Variants in APOOL observed in about 807,000 individuals in gnomAD.
APOOL encodes MICOS complex subunit MIC27.
In APOOL, 12 loss-of-function variants were observed where a neutral mutation model predicts 23.1. The observed-to-expected ratio is 0.52, with a 90% CI of 0.33 to 0.84. The LOEUF is 0.84. APOOL is among the 40% of genes least tolerant of loss of function. The pLI is 0.02. For missense variants in APOOL, 212 were observed against 199.6 expected, an observed-to-expected ratio of 1.06 and a Z score of -0.37; for synonymous variants, 77 against 69.9, an observed-to-expected ratio of 1.10 and a Z score of -0.51.
chrX:85,026,342 G>A (rs775057813), intron 1 of APOOL, among the ~76,000 whole-genome samples: 21 of 112,989 alleles, frequency 1.9e-4, no homozygotes, highest in Non-Finnish European at 3.7e-4. Context: ...CCCTGGGCCT[G>A]TGATGGGAGG....
At chrX:85,037,313 C>T (rs12013113) in intron 1 of APOOL, among the ~76,000 whole-genome samples, 3,099 of 111,254 alleles carry the variant, frequency 0.028, 123 homozygotes, top group African/African-American at 0.096. Flanking sequence ...GTCATCAGGG[C>T]GGTTTCCCCC....
At chrX:85,039,687 TAA>T (rs1445372318) in intron 1 of APOOL, among the ~76,000 whole-genome samples, 1 of 111,837 alleles carries the variant, frequency 8.9e-6, no homozygotes, top group Non-Finnish European at 1.9e-5. Flanking sequence ...ATCATTGGTT[TAA>T]AGTCTTTTTT....
rs1050425811 is a variant in APOOL, at chrX:85,090,754, A to G, written c.*3076A>G. 9.0e-6 allele frequency: 1 copy of G among 111,482 alleles called. No individual in the cohort carries two copies. Among genetic ancestry groups the G allele is most frequent in the Non-Finnish European group, 1.9e-5 (1 of 53,147 alleles). The allele number at this position is 111,482 out of a possible 1,213,427, so 9.2% of individuals were successfully genotyped here. On this transcript the variant is annotated 3_prime_UTR_variant, in exon 9 of 9. Transcript: ENST00000373173. Reference sequence around the variant, plus strand: ...CTGCTCTACATTCTAACTTCTACCCATCCTACAAGTCCAATTCCAGTGTCA... The same window carrying G: ...CTGCTCTACATTCTAACTTCTACCCGTCCTACAAGTCCAATTCCAGTGTCA...
intron 1 of APOOL, among the ~76,000 whole-genome samples, chrX:85,038,866 T>A (rs952206546): frequency 9.1e-6 from 1 of 110,378 alleles, no homozygotes; most frequent in East Asian, 2.8e-4. Context: ...AACTTTTTTT[T>A]ATCTTTTGTG....
chrX:85,047,716 C>T (rs949933336), intron 2 of APOOL, among the ~76,000 whole-genome samples: 2 of 111,354 alleles, frequency 1.8e-5, no homozygotes, highest in East Asian at 5.7e-4. Context: ...CTTATCATGC[C>T]AGCCTGTTGA....
intron 1 of APOOL, among the ~76,000 whole-genome samples, chrX:85,045,326 CAG>C (rs1159135288): frequency 4.5e-5 from 5 of 111,706 alleles, no homozygotes; most frequent in African/African-American, 1.6e-4. Context: ...CAATCTAAAT[CAG>C]AGTCCTGCCC....
chrX:85,082,073 T>A (rs1487969182), intron 8 of APOOL, among the ~76,000 whole-genome samples: 2 of 112,142 alleles, frequency 1.8e-5, no homozygotes, highest in Admixed American at 9.5e-5. Context: ...ATTACCGACC[T>A]TCTGAAGCCT....
chrX:85,011,161 G>A (rs1366719783), intron 1 of APOOL, among the ~76,000 whole-genome samples: 1 of 111,262 alleles, frequency 9.0e-6, no homozygotes, highest in Non-Finnish European at 1.9e-5. Context: ...GTCTATTCAT[G>A]ACCTTCACCT....
intron 1 of APOOL, among the ~76,000 whole-genome samples, chrX:85,013,455 A>T (rs746994431): frequency 1.7e-4 from 19 of 111,691 alleles, no homozygotes; most frequent in Admixed American, 1.3e-3. Flanking sequence ...TGATGTAGGC[A>T]TTTAATACCA....
chrX:85,036,920 T>C (rs1227208637), intron 1 of APOOL, among the ~76,000 whole-genome samples: 1 of 110,601 alleles, frequency 9.0e-6, no homozygotes, highest in Non-Finnish European at 1.9e-5. Flanking sequence ...ATGTATTAGC[T>C]CTCCTCAAGC....
At chrX:85,035,176 C>T (rs1313458522) in intron 1 of APOOL, among the ~76,000 whole-genome samples, 1 of 110,985 alleles carries the variant, frequency 9.0e-6, no homozygotes, top group Admixed American at 9.6e-5. Context: ...TGGTATCTCA[C>T]TGTGGTTTTG....
chrX:85,031,784 T>G (rs1383448695), intron 1 of APOOL, among the ~76,000 whole-genome samples: 1 of 111,980 alleles, frequency 8.9e-6, no homozygotes, highest in Non-Finnish European at 1.9e-5. Flanking sequence ...GTAAAGGTTG[T>G]TTGTAGAGCT....
chrX:85,092,551 G>A lies in APOOL; in HGVS notation c.*4873G>A, dbSNP rs1924555620. 4 of 1,204,198 alleles carry A rather than the reference G, an allele frequency of 3.3e-6. No individual in the cohort carries two copies. Among genetic ancestry groups the A allele is most frequent in the Non-Finnish European group, 4.5e-6 (4 of 891,307 alleles). On this transcript the variant is annotated 3_prime_UTR_variant, in exon 9 of 9. Transcript: ENST00000373173. ...AAAGTGCATGCAGTTACATTGAGTT[G>A]TGATGGCTATCTGTTTAAAAACAAA...
chrX:85,085,550 A>G (rs143613610), intron 8 of APOOL, among the ~76,000 whole-genome samples: 79 of 112,354 alleles, frequency 7.0e-4, no homozygotes, highest in Non-Finnish European at 7.5e-4. Flanking sequence ...AAAGATAGGT[A>G]TAAGATAAAT....
chrX:85,073,161 G>A (rs1239323863), intron 6 of APOOL, among the ~76,000 whole-genome samples: 1 of 110,891 alleles, frequency 9.0e-6, no homozygotes, highest in Admixed American at 9.7e-5. Context: ...TATATACTTA[G>A]TAAAAACAAT....
rs1924362702 is a variant in APOOL, at chrX:85,087,649, G to T, written c.778G>T (p.Asp260Tyr). 1.7e-6 allele frequency: 2 copies of T among 1,196,559 alleles called. No homozygotes were observed. Among genetic ancestry groups the T allele is most frequent in the South Asian group, 3.7e-5 (2 of 54,319 alleles). Residue 260 changes from aspartate to tyrosine, a missense_variant, in exon 9 of 9, where the codon GAT becomes TAT. Transcript: ENST00000373173. ...LMDHGQSHPEDIDMYSTRS is the reference protein window; with the variant it reads ...LMDHGQSHPEYIDMYSTRS ...GGATCACGGGCAGTCCCACCCAGAA[G>T]ATATAGATATGTACAGCACTAGAAG...
At chrX:85,071,252 T>C (rs764261068) in intron 6 of APOOL, among the ~76,000 whole-genome samples, 1 of 110,893 alleles carries the variant, frequency 9.0e-6, no homozygotes, top group Non-Finnish European at 1.9e-5. Context: ...GAGTGTGACA[T>C]TCATTCATCT....
intron 4 of APOOL, among the ~76,000 whole-genome samples, chrX:85,054,967 A>G: frequency 8.9e-6 from 1 of 111,928 alleles, no homozygotes; most frequent in Non-Finnish European, 1.9e-5. Context: ...AAGCAATTAT[A>G]CTTGACTCTT....
chrX:85,014,947 G>A (rs1157484784), intron 1 of APOOL, among the ~76,000 whole-genome samples: 2 of 109,693 alleles, frequency 1.8e-5, no homozygotes. Flanking sequence ...TCTTCCTCAG[G>A]AACACCAATT....
Sources: allele counts gnomAD v4.1 joint callset (sites outside exome capture counted in the v4.1 genomes callset), GRCh38; gene constraint gnomAD v4.1.1; transcripts MANE v1.5; gene names NCBI Gene and HGNC (gene_info 2026-07-23, HGNC 2026-07-21).